The following DSC2 variants were observed in gnomAD, a reference collection of about 807,000 sequenced individuals.
DSC2 encodes desmocollin 2.
Under a neutral mutation model 87.6 loss-of-function variants are expected in DSC2, and 51 were observed. That is an observed-to-expected ratio of 0.58 (90% confidence interval 0.46 to 0.74). DSC2 has a LOEUF of 0.74. Ranked by LOEUF, DSC2 falls within the 30% of genes least tolerant of loss-of-function variation. DSC2 has a pLI of 0.00. For missense variants in DSC2, 1,066 were observed against 1,089.5 expected (o/e 0.98, Z 0.30); for synonymous variants, 383 against 393.2 (o/e 0.97, Z 0.31).
chr18:31,063,706 T>C lies in DSC2; in HGVS notation c.*4309A>G, dbSNP rs556105745. ...TATGATGGTGTCAAAGAAATATGCA[T>C]TCAGCATTCTCCTACACTTATGAGA... On this transcript the variant is annotated 3_prime_UTR_variant, in exon 16 of 16. Transcript: ENST00000280904. The C allele has an allele frequency of 6.6e-6, 1 of 152,300 alleles. No homozygotes were observed. Among genetic ancestry groups the C allele is most frequent in the Non-Finnish European group, 1.5e-5 (1 of 68,018 alleles). 9.4% of individuals were successfully genotyped at this position (152,300 alleles called of 1,614,324 possible). A position where few individuals can be genotyped will look rare whatever the true frequency, so the allele number is the denominator to read the frequency against.
rs1987978697 is a variant in DSC2, at chr18:31,101,959, G to C, written c.13C>G (p.Arg5Gly). The C allele has an allele frequency of 1.3e-6, 2 of 1,526,166 alleles. No individual in the cohort carries two copies. The highest frequency in any genetic ancestry group is 2.4e-5 in the South Asian group (2 of 82,700). 94.5% of individuals were successfully genotyped at this position (1,526,166 alleles called of 1,614,324 possible). MEAARPSGSWNGALC... is the reference protein window; with the variant it reads MEAAGPSGSWNGALC... ...GCTCCGTTCCAGGAGCCGGAGGGGC[G>C]GGCTGCCTCCATGGAGAGGGCTCGG... Residue 5 changes from arginine (R) to glycine (G), a missense_variant, in exon 1 of 16, where the codon CGC becomes GGC. By Grantham distance (125) the Arg-to-Gly change is moderately radical. Coordinates refer to ENST00000280904, the MANE Select transcript of DSC2 (RefSeq NM_024422.6).
At chr18:31,071,567 G>C (rs1472989298) in intron 13 of DSC2, 38 bp downstream of exon 13, 6 of 1,574,138 alleles carry the variant, frequency 3.8e-6, no homozygotes, top group Non-Finnish European at 5.2e-6. Context: ...TTACTTTAAA[G>C]GGTATTATTT....
intron 4 of DSC2, 31 bp from the exon 5 acceptor site, chr18:31,089,625 A>G: frequency 6.2e-7 from 1 of 1,601,074 alleles, no homozygotes; most frequent in Non-Finnish European, 8.5e-7. Flanking sequence ...ACATGAGACA[A>G]ATCTTTATTT....
At position 31,081,434 on chromosome 18, in the gene DSC2, C is replaced by G. The variant is rs1598582244; in HGVS notation, c.1263+804G>C. Reference sequence around the variant, plus strand: ...CACACAAATTTCCTTCTGAGAATACCAAGGATTAGGGGAGGGGTTAGGTGA... The same window carrying G: ...CACACAAATTTCCTTCTGAGAATACGAAGGATTAGGGGAGGGGTTAGGTGA... On this transcript the variant is annotated intron_variant, in intron 9 of 15. Transcript: ENST00000280904. Among the ~76,000 whole-genome samples the G allele has an allele frequency of 2.6e-5, 4 of 151,912 alleles. No individual in the cohort carries two copies. In the East Asian group the frequency reaches 5.8e-4, roughly 22 times the overall value.
rs559479054 is a variant in DSC2, at chr18:31,079,254, T to C, written c.1663+593A>G. Among the ~76,000 whole-genome samples, 9 of 152,214 alleles carry C rather than the reference T, an allele frequency of 5.9e-5. 1 individual carries two copies. The South Asian group carries it at 1.9e-3, about 32-fold the overall frequency. On this transcript the variant is annotated intron_variant, in intron 11 of 15. Coordinates refer to ENST00000280904, the MANE Select transcript of DSC2 (RefSeq NM_024422.6). ...TTTGTTTTTGTTTTTGTTTTGTTTT[T>C]GTTTTTGTTTTTGTTTTGAGACAGA... is the stretch of plus-strand genomic sequence containing the variant.
At chr18:31,088,718 G>A (rs1267245269) in intron 5 of DSC2, among the ~76,000 whole-genome samples, 1 of 152,136 alleles carries the variant, frequency 6.6e-6, no homozygotes, top group African/African-American at 2.4e-5. Flanking sequence ...AGTAAGCTTA[G>A]GTAAGCACTG....
intron 12 of DSC2, 66 bp from the exon 13 acceptor site, chr18:31,071,907 A>G: frequency 7.4e-7 from 1 of 1,350,896 alleles, no homozygotes. Flanking sequence ...AACATAAATA[A>G]CTCATTATCA....
intron 1 of DSC2, among the ~76,000 whole-genome samples, chr18:31,096,410 G>A (rs186878982): frequency 1.3e-5 from 2 of 152,272 alleles, no homozygotes; most frequent in African/African-American, 2.4e-5. Context: ...GAGAGAAGGA[G>A]AATGAAATCA....
chr18:31,097,364 T>C (rs903346536), intron 1 of DSC2, among the ~76,000 whole-genome samples: 1 of 150,034 alleles, frequency 6.7e-6, no homozygotes, highest in South Asian at 2.1e-4. Context: ...ACAAGAAACA[T>C]GTAAAGCCTA....
In DSC2 at chr18:31,059,166, A is replaced by G. The variant is rs1986453916; in HGVS notation, c.*8849T>C. On this transcript the variant is annotated 3_prime_UTR_variant, in exon 16 of 16. Transcript: ENST00000280904. ...GGAGAATGCGATGCATTGTGCAAAG[A>G]TTAACTGTGATTGTGTCTACTACAG... 1 of 152,196 alleles carries G rather than the reference A, an allele frequency of 6.6e-6. No homozygotes were observed. The highest frequency in any genetic ancestry group is 1.5e-5 in the Non-Finnish European group (1 of 68,036). 9.4% of individuals were successfully genotyped at this position (152,196 alleles called of 1,614,324 possible).
chr18:31,080,372 G>GA lies in DSC2; in HGVS notation c.1264-21dup, dbSNP rs755806540. 2 of 1,612,392 alleles carry GA rather than the reference G, an allele frequency of 1.2e-6. No homozygotes were observed. Among genetic ancestry groups the GA allele is most frequent in the Non-Finnish European group, 1.7e-6 (2 of 1,179,272 alleles). ...CAAAGGCTACGAAAGCAAATGTATT[G>GA]AAAAATCAGATGAACTCATTTAATA... is the stretch of plus-strand genomic sequence containing the variant. On this transcript the variant is annotated intron_variant, in intron 9 of 15. Coordinates refer to ENST00000280904, the MANE Select transcript of DSC2 (RefSeq NM_024422.6).
chr18:31,099,722 A>G (rs1987874912), intron 1 of DSC2, among the ~76,000 whole-genome samples: 1 of 152,210 alleles, frequency 6.6e-6, no homozygotes. Context: ...ATTAGTGGTT[A>G]GCAGAAGACA....
intron 1 of DSC2, among the ~76,000 whole-genome samples, chr18:31,098,745 T>A (rs1406620975): frequency 1.3e-5 from 2 of 152,200 alleles, no homozygotes; most frequent in African/African-American, 4.8e-5. Context: ...CATGAGCCAC[T>A]GCACCTGGCC....
intron 9 of DSC2, among the ~76,000 whole-genome samples, 171 bp downstream of exon 9, chr18:31,082,066 GA>G (rs1987237564): frequency 6.6e-6 from 1 of 151,830 alleles, no homozygotes; most frequent in East Asian, 1.9e-4. Context: ...CTAAACAAAA[GA>G]TTATCAAAAA....
intron 8 of DSC2, among the ~76,000 whole-genome samples, 174 bp from the exon 9 acceptor site, chr18:31,082,597 G>A (rs1221534867): frequency 6.6e-6 from 1 of 152,110 alleles, no homozygotes. Flanking sequence ...AATCATGAGG[G>A]GTGGATGGGG....
Position 31,101,987 on chromosome 18 carries a change from C to T in DSC2, c.-16G>A. On this transcript the variant is annotated 5_prime_UTR_variant, in exon 1 of 16. Coordinates refer to ENST00000280904, the MANE Select transcript of DSC2 (RefSeq NM_024422.6). ...CTGCCTCCATGGAGAGGGCTCGGGG[C>T]AGGTCGCGGGCCGAGCGTCGGGCCG... 1 of 1,505,684 alleles carries T rather than the reference C, an allele frequency of 6.6e-7. No individual in the cohort carries two copies. 93.3% of individuals were successfully genotyped at this position (1,505,684 alleles called of 1,614,324 possible).
intron 9 of DSC2, 86 bp downstream of exon 9, chr18:31,082,152 T>C: frequency 1.6e-6 from 2 of 1,289,768 alleles, no homozygotes; most frequent in Non-Finnish European, 2.2e-6. Context: ...ATTCTACATT[T>C]ATCAGAATTC....
At chr18:31,073,387 A>G (rs1214603872) in intron 12 of DSC2, among the ~76,000 whole-genome samples, 2 of 151,686 alleles carry the variant, frequency 1.3e-5, no homozygotes, top group Admixed American at 6.6e-5. Flanking sequence ...ACACACACAC[A>G]CACACACACA....
intron 12 of DSC2, among the ~76,000 whole-genome samples, chr18:31,072,221 C>T (rs892897901): frequency 1.3e-5 from 2 of 152,160 alleles, no homozygotes; most frequent in African/African-American, 4.8e-5. Flanking sequence ...CATGCTTCAT[C>T]GAAGTAATAG....
Sources: allele counts gnomAD v4.1 joint callset (sites outside exome capture counted in the v4.1 genomes callset), GRCh38; gene constraint gnomAD v4.1.1; transcripts MANE v1.5; gene names NCBI Gene and HGNC (gene_info 2026-07-23, HGNC 2026-07-21).